Variants in USP34 observed in about 807,000 individuals in gnomAD.
USP34 encodes the protein ubiquitin specific peptidase 34.
Under a neutral mutation model 460.3 loss-of-function variants are expected in USP34, and 70 were observed. The observed-to-expected ratio is 0.15, with a 90% CI of 0.13 to 0.19. USP34 has a LOEUF of 0.19. Ranked by LOEUF, USP34 falls within the 10% of genes least tolerant of loss-of-function variation. The pLI is 1.00. For missense variants in USP34, 3,985 were observed against 4,236.2 expected (o/e 0.94, Z 1.65); for synonymous variants, 1,647 against 1,405.3 (o/e 1.17, Z -3.85).
intron 48 of USP34, among the ~76,000 whole-genome samples, chr2:61,252,033 TA>T (rs1688598913): frequency 1.3e-5 from 2 of 150,488 alleles, no homozygotes; most frequent in African/African-American, 4.9e-5. Context: ...TATGTCGAGA[TA>T]AGAAAAATAA....
chr2:61,407,378 G>T lies in USP34; in HGVS notation c.132-1250C>A, dbSNP rs182652903. Among the ~76,000 whole-genome samples the T allele has an allele frequency of 6.6e-5, 10 of 152,260 alleles. No homozygotes were observed. In the East Asian group the frequency reaches 1.9e-3, roughly 29 times the overall value. Reference sequence around the variant, plus strand: ...CATGTCTCAAAAAAAGGCAGGGAACGGTCTGGTGAATCAATAGGCAATTAA... The same window carrying T: ...CATGTCTCAAAAAAAGGCAGGGAACTGTCTGGTGAATCAATAGGCAATTAA... On this transcript the variant is annotated intron_variant, in intron 2 of 79. Coordinates refer to ENST00000398571, the MANE Select transcript of USP34 (RefSeq NM_014709.4).
intron 16 of USP34, among the ~76,000 whole-genome samples, chr2:61,341,449 AG>A (rs1166516505): frequency 3.3e-5 from 5 of 152,210 alleles, no homozygotes; most frequent in African/African-American, 1.2e-4. Flanking sequence ...TGAGTCTAGT[AG>A]AAGGCGTTTG....
At chr2:61,333,670 C>CA (rs1194872802) in intron 19 of USP34, among the ~76,000 whole-genome samples, 1 of 151,996 alleles carries the variant, frequency 6.6e-6, no homozygotes, top group Non-Finnish European at 1.5e-5. Flanking sequence ...GTACTGTTCT[C>CA]AAACTCCAAA....
At chr2:61,406,848 T>C (rs767906947) in intron 2 of USP34, among the ~76,000 whole-genome samples, 3 of 147,470 alleles carry the variant, frequency 2.0e-5, no homozygotes, top group African/African-American at 5.0e-5. Flanking sequence ...CTACTAAAAA[T>C]GCAAAAAAAA....
intron 59 of USP34, 51 bp downstream of exon 59, chr2:61,229,497 C>CCACA (rs761538374): frequency 2.3e-6 from 2 of 874,432 alleles, no homozygotes; most frequent in African/African-American, 1.8e-5. Context: ...AACAAAAACA[C>CCACA]CACACACACA....
chr2:61,379,372 T>C (rs1692904336), intron 7 of USP34, among the ~76,000 whole-genome samples: 1 of 151,860 alleles, frequency 6.6e-6, no homozygotes, highest in African/African-American at 2.4e-5. Flanking sequence ...TGCAAAAAAT[T>C]AGCTGGGTGT....
Position 61,220,291 on chromosome 2 carries a change from T to C in USP34, c.8047+19A>G, listed in dbSNP as rs1428468986. ...AACAATAAATAAATGGTTTATGAAA[T>C]TCTAAATATTTGACTTACAAGTCCT... On this transcript the variant is annotated intron_variant, in intron 67 of 79. Coordinates refer to ENST00000398571, the MANE Select transcript of USP34 (RefSeq NM_014709.4). 15 of 1,589,826 alleles carry C rather than the reference T, an allele frequency of 9.4e-6. No individual in the cohort carries two copies. Among genetic ancestry groups the C allele is most frequent in the Non-Finnish European group, 1.2e-5 (14 of 1,171,180 alleles).
At chr2:61,430,994 C>G (rs1029730264) in intron 1 of USP34, among the ~76,000 whole-genome samples, 1 of 151,612 alleles carries the variant, frequency 6.6e-6, no homozygotes, top group African/African-American at 2.4e-5. Flanking sequence ...GCAACAAGAC[C>G]CCTATTCTTT....
chr2:61,456,399 A>C (rs901081011), intron 1 of USP34, among the ~76,000 whole-genome samples: 7 of 152,230 alleles, frequency 4.6e-5, no homozygotes, highest in Non-Finnish European at 7.3e-5. Flanking sequence ...TTTGTCAGGA[A>C]GGTTTTGGAA....
intron 25 of USP34, among the ~76,000 whole-genome samples, chr2:61,313,170 T>C (rs1362666139): frequency 1.3e-5 from 2 of 152,066 alleles, no homozygotes; most frequent in African/African-American, 4.8e-5. Flanking sequence ...ATATAAACTA[T>C]TTAACATCAA....
intron 27 of USP34, among the ~76,000 whole-genome samples, chr2:61,308,757 T>A (rs1690491387): frequency 6.6e-6 from 1 of 152,118 alleles, no homozygotes; most frequent in Non-Finnish European, 1.5e-5. Flanking sequence ...ATACTACATG[T>A]TGGCTGGGCA....
At chr2:61,395,258 A>G (rs752264884) in intron 3 of USP34, 25 bp from the exon 4 acceptor site, 2 of 1,329,280 alleles carry the variant, frequency 1.5e-6, no homozygotes, top group Non-Finnish European at 2.1e-6. Flanking sequence ...AAAAGCAAGT[A>G]AAATTAGGTT....
intron 19 of USP34, among the ~76,000 whole-genome samples, chr2:61,332,648 A>C (rs1256740048): frequency 6.6e-6 from 1 of 152,002 alleles, no homozygotes; most frequent in Non-Finnish European, 1.5e-5. Flanking sequence ...TCAGCCACTT[A>C]AAAATTATAG....
At chr2:61,451,716 G>A (rs1004015623) in intron 1 of USP34, among the ~76,000 whole-genome samples, 1 of 151,102 alleles carries the variant, frequency 6.6e-6, no homozygotes, top group African/African-American at 2.4e-5. Context: ...AAACCAGACA[G>A]ACCTGGCATT....
chr2:61,263,252 C>T (rs893734658), intron 43 of USP34, among the ~76,000 whole-genome samples: 2 of 147,332 alleles, frequency 1.4e-5, no homozygotes, highest in Non-Finnish European at 3.0e-5. Flanking sequence ...TCGATCTCAG[C>T]TCACTGCAAC....
intron 12 of USP34, 120 bp downstream of exon 12, chr2:61,350,137 CTCT>C: frequency 1.8e-6 from 2 of 1,082,042 alleles, no homozygotes; most frequent in Non-Finnish European, 1.3e-6. Context: ...TTTATATGCA[CTCT>C]TCTACCCATC....
At chr2:61,442,071 T>C (rs995643833) in intron 1 of USP34, among the ~76,000 whole-genome samples, 5 of 152,070 alleles carry the variant, frequency 3.3e-5, no homozygotes, top group African/African-American at 7.2e-5. Context: ...TGGACATCCA[T>C]AGGCACAACA....
At chr2:61,362,791 T>G (rs1015001171) in intron 10 of USP34, among the ~76,000 whole-genome samples, 2 of 152,224 alleles carry the variant, frequency 1.3e-5, no homozygotes, top group Non-Finnish European at 2.9e-5. Flanking sequence ...GTAATAGATA[T>G]GTGAATTAGC....
chr2:61,260,952 AT>A (rs1688860469), intron 43 of USP34, among the ~76,000 whole-genome samples: 1 of 152,250 alleles, frequency 6.6e-6, no homozygotes, highest in African/African-American at 2.4e-5. Context: ...CTGCATCTAT[AT>A]GTATTTACTA....
Sources: allele counts gnomAD v4.1 joint callset (sites outside exome capture counted in the v4.1 genomes callset), GRCh38; gene constraint gnomAD v4.1.1; transcripts MANE v1.5; gene names NCBI Gene and HGNC (gene_info 2026-07-23, HGNC 2026-07-21).